STK32C: variants seen among roughly 807,000 people sequenced by gnomAD.
STK32C encodes the protein serine/threonine kinase 32C, also known as serine/threonine-protein kinase 32C.
Under a neutral mutation model 56.5 loss-of-function variants are expected in STK32C, and 31 were observed. The observed-to-expected ratio is 0.55, with a 90% confidence interval of 0.41 to 0.74. The LOEUF (loss-of-function observed/expected upper bound fraction) is 0.74, where lower values mean the gene tolerates loss of function less well. Ranked by LOEUF, STK32C falls within the 30% of genes least tolerant of loss-of-function variation. The probability of loss-of-function intolerance (pLI) is 0.00; values close to 1 mark genes in which losing one functional copy is unlikely to be tolerated. For missense variants in STK32C, 544 were observed against 676.9 expected (o/e 0.80, Z 2.18); for synonymous variants, 309 against 289.4 (o/e 1.07, Z -0.69).
intron 2 of STK32C, among the ~76,000 whole-genome samples, chr10:132,244,550 G>T (rs532606925): frequency 4.1e-4 from 63 of 152,198 alleles, no homozygotes; most frequent in Non-Finnish European, 7.8e-4. Context: ...CCCAGGGCAG[G>T]TCTCTGCCCC....
At chr10:132,248,285 G>A (rs1175392692) in intron 1 of STK32C, among the ~76,000 whole-genome samples, 1 of 152,234 alleles carries the variant, frequency 6.6e-6, no homozygotes, top group East Asian at 1.9e-4. Flanking sequence ...GAGTGAGAGG[G>A]CAGCTGGGCC....
intron 1 of STK32C, among the ~76,000 whole-genome samples, chr10:132,257,108 G>A (rs1248436000): frequency 4.6e-5 from 7 of 152,148 alleles, no homozygotes; most frequent in African/African-American, 1.2e-4. Context: ...CTCAGGGCTC[G>A]CTGTGGGACC....
chr10:132,224,530 A>T lies in STK32C; in HGVS notation c.877-7T>A. ...AGTGGATGTCATAGGGCCTCTGGAG[A>T]CAGGGAGGCAGTGCTGGGCAGGTCC... On this transcript the variant is annotated splice_region_variant and splice_polypyrimidine_tract_variant and intron_variant, in intron 7 of 11. Coordinates refer to ENST00000298630, the MANE Select transcript of STK32C (RefSeq NM_173575.4). 1 of 1,588,220 alleles carries T rather than the reference A, an allele frequency of 6.3e-7. No homozygotes were observed. Among genetic ancestry groups the T allele is most frequent in the Non-Finnish European group, 8.6e-7 (1 of 1,167,564 alleles).
chr10:132,331,343 A>G, intron 1 of STK32C: 2 of 1,299,602 alleles, frequency 1.5e-6, no homozygotes, highest in Non-Finnish European at 2.1e-6. Flanking sequence ...ACGGGACTCC[A>G]GGGTTCCACA....
intron 1 of STK32C, among the ~76,000 whole-genome samples, chr10:132,292,920 C>G (rs1411685955): frequency 6.6e-6 from 1 of 150,784 alleles, no homozygotes; most frequent in Non-Finnish European, 1.5e-5. Flanking sequence ...CTTCCCCATG[C>G]AGACGTCCTC....
rs557462093 is a variant in STK32C at position 132,280,943 on chromosome 10, C to T, written c.262+26629G>A. On this transcript the variant is annotated intron_variant, in intron 1 of 11. Transcript: ENST00000298630. Reference sequence around the variant, plus strand: ...GCCCCTGCACTCCATGATCACGCCACTGCACTCCCTGACTACGCTGAGGCC... The same window carrying T: ...GCCCCTGCACTCCATGATCACGCCATTGCACTCCCTGACTACGCTGAGGCC... Among the ~76,000 whole-genome samples, 5 of 151,148 alleles carry T rather than the reference C, an allele frequency of 3.3e-5. No individual in the cohort carries two copies. In the East Asian group the frequency reaches 5.9e-4, roughly 18 times the overall value.
downstream of STK32C, among the ~76,000 whole-genome samples, chr10:132,321,954 G>A (rs2066416915): frequency 6.6e-6 from 1 of 152,108 alleles, no homozygotes; most frequent in African/African-American, 2.4e-5. Context: ...GGGAATTGTG[G>A]GGCTGTTGCA....
At chr10:132,304,035 G>A (rs181882508) in intron 1 of STK32C, among the ~76,000 whole-genome samples, 201 of 152,334 alleles carry the variant, frequency 1.3e-3, no homozygotes, top group South Asian at 0.011. Flanking sequence ...GCGGCCACAC[G>A]TGTTAAGGTA....
At chr10:132,243,514 G>C (rs1325366777) in intron 2 of STK32C, among the ~76,000 whole-genome samples, 1 of 152,168 alleles carries the variant, frequency 6.6e-6, no homozygotes, top group Non-Finnish European at 1.5e-5. Context: ...ATTCCTCCCT[G>C]CTAAGTGGTT....
chr10:132,299,786 G>T (rs370742122), intron 1 of STK32C, among the ~76,000 whole-genome samples: 3 of 152,226 alleles, frequency 2.0e-5, no homozygotes, highest in Non-Finnish European at 4.4e-5. Flanking sequence ...CCCTGGGCAC[G>T]AACAGGACCC....
chr10:132,267,479 G>A (rs1173800230), intron 1 of STK32C, among the ~76,000 whole-genome samples: 2 of 148,332 alleles, frequency 1.3e-5, no homozygotes, highest in East Asian at 1.9e-4. Flanking sequence ...TCAGCTCTAT[G>A]CCTGTCTGTG....
intron 1 of STK32C, among the ~76,000 whole-genome samples, chr10:132,328,437 A>G (rs1264595518): frequency 1.3e-5 from 2 of 152,156 alleles, no homozygotes; most frequent in Non-Finnish European, 2.9e-5. Flanking sequence ...TATACCCAGG[A>G]GCAATTTGGG....
chr10:132,224,120 C>G (rs559688185), intron 8 of STK32C, among the ~76,000 whole-genome samples: 1 of 151,776 alleles, frequency 6.6e-6, no homozygotes, highest in African/African-American at 2.4e-5. Context: ...GCAGGGCGGG[C>G]GCACAAGCCT....
intron 1 of STK32C, among the ~76,000 whole-genome samples, chr10:132,266,163 A>G (rs917443740): frequency 2.6e-5 from 4 of 152,262 alleles, no homozygotes; most frequent in African/African-American, 9.6e-5. Flanking sequence ...TAAAGGAACA[A>G]ACTCCCGATC....
At chr10:132,277,191 G>A (rs554685616) in intron 1 of STK32C, among the ~76,000 whole-genome samples, 3 of 152,342 alleles carry the variant, frequency 2.0e-5, no homozygotes, top group South Asian at 2.1e-4. Flanking sequence ...TCTGGGCTGC[G>A]TGTCTTGGCC....
At chr10:132,230,344 G>A (rs914856599) in intron 2 of STK32C, among the ~76,000 whole-genome samples, 16 of 152,208 alleles carry the variant, frequency 1.1e-4, no homozygotes, top group African/African-American at 3.1e-4. Flanking sequence ...TCGGCAGCAC[G>A]GCCTTCCTCC....
chr10:132,268,700 C>T (rs1253665323), intron 1 of STK32C, among the ~76,000 whole-genome samples: 1 of 130,088 alleles, frequency 7.7e-6, no homozygotes, highest in Non-Finnish European at 1.6e-5. Context: ...TGTGCGCATG[C>T]ATGTCTCACA....
chr10:132,209,187 A>G (rs2062209378), intron 10 of STK32C, 86 bp from the exon 11 acceptor site: 1 of 1,279,228 alleles, frequency 7.8e-7, no homozygotes, highest in South Asian at 1.2e-5. Flanking sequence ...GGGCATCCCC[A>G]TCGGGCCTCC....
chr10:132,289,455 A>C (rs1424115559), intron 1 of STK32C, among the ~76,000 whole-genome samples: 2 of 152,210 alleles, frequency 1.3e-5, no homozygotes, highest in African/African-American at 4.8e-5. Flanking sequence ...AACTTAATAA[A>C]ACACACACAT....
Sources: allele counts gnomAD v4.1 joint callset (sites outside exome capture counted in the v4.1 genomes callset), GRCh38; gene constraint gnomAD v4.1.1; transcripts MANE v1.5; gene names NCBI Gene and HGNC (gene_info 2026-07-23, HGNC 2026-07-21).